The following PIH1D2 variants were observed in gnomAD, a reference collection of about 807,000 sequenced individuals.
The protein encoded by PIH1D2 is PIH1 domain-containing protein 2.
In PIH1D2, 25 loss-of-function variants were observed where a neutral mutation model predicts 31.2. The ratio of observed to expected loss-of-function variants is 0.80; its 90% CI spans 0.58 to 1.12. The LOEUF (loss-of-function observed/expected upper bound fraction) is 1.12. Among genes scored for constraint, PIH1D2 ranks in the 50% most tolerant of loss-of-function variants. The pLI is 0.00. For missense variants in PIH1D2, 310 were observed against 356.6 expected, an observed-to-expected ratio of 0.87 and a Z score of 1.05; for synonymous variants, 116 against 119.9, an observed-to-expected ratio of 0.97 and a Z score of 0.21.
chr11:112,068,980 T>G (rs952918832), intron 5 of PIH1D2, among the ~76,000 whole-genome samples: 1 of 129,918 alleles, frequency 7.7e-6, no homozygotes, highest in African/African-American at 4.5e-5. Flanking sequence ...TGAATTTTTT[T>G]TGTTTTTTTT....
At chr11:112,070,254 A>G in intron 5 of PIH1D2, 182 bp downstream of exon 5, 1 of 685,862 alleles carries the variant, frequency 1.5e-6, no homozygotes, top group Non-Finnish European at 2.4e-6. Flanking sequence ...GCATGGTTTG[A>G]TCATTCTATT....
chr11:112,060,721 C>G (rs1555183135), downstream of PIH1D2, among the ~76,000 whole-genome samples: 1 of 152,176 alleles, frequency 6.6e-6, no homozygotes. Flanking sequence ...CCGCCTCACC[C>G]TCTCGAAGTG....
At chr11:112,069,033 CTG>C (rs1246444441) in intron 5 of PIH1D2, among the ~76,000 whole-genome samples, 1 of 125,222 alleles carries the variant, frequency 8.0e-6, no homozygotes, top group Non-Finnish European at 1.6e-5. Context: ...GAGTCTCGCT[CTG>C]TTGCCCAGGC....
chr11:112,067,839 ACTG>A lies in PIH1D2; in HGVS notation c.*29_*31del. On this transcript the variant is annotated 3_prime_UTR_variant, in exon 6 of 6. Coordinates refer to ENST00000280350, the MANE Select transcript of PIH1D2 (RefSeq NM_138789.4). The stretch of plus-strand genomic sequence containing the variant: ...GTCCTTTAATTCACATGACTTTAGC[ACTG>A]AAAACCCAAAACATATGATGCTCTT... 2 of 1,610,026 alleles carry A rather than the reference ACTG, an allele frequency of 1.2e-6. No homozygotes were observed. Among genetic ancestry groups the A allele is most frequent in the Non-Finnish European group, 1.7e-6 (2 of 1,178,806 alleles).
At chr11:112,057,766 T>C in the PIH1D2 span, among the ~76,000 whole-genome samples, 1 of 150,790 alleles carries the variant, frequency 6.6e-6, no homozygotes, top group Non-Finnish European at 1.5e-5. Flanking sequence ...ATTCAGAAGA[T>C]ACAGCTAAGA....
downstream of PIH1D2, chr11:112,064,001 G>C: frequency 1.7e-6 from 1 of 594,046 alleles, no homozygotes; most frequent in East Asian, 3.0e-5. Context: ...GTACACAAGT[G>C]ACACTCCATA....
downstream of PIH1D2, chr11:112,061,341 A>G: frequency 1.5e-6 from 1 of 687,240 alleles, no homozygotes; most frequent in African/African-American, 1.8e-5. Context: ...TAACCTACAC[A>G]CATTATTCTG....
chr11:112,072,897 A>C (rs201438670), intron 2 of PIH1D2, 101 bp downstream of exon 2: 14 of 1,203,288 alleles, frequency 1.2e-5, no homozygotes, highest in East Asian at 7.7e-5. Flanking sequence ...AACAAAAAAA[A>C]AACAAAAAAA....
chr11:112,062,593 T>A, downstream of PIH1D2: 1 of 1,574,488 alleles, frequency 6.4e-7, no homozygotes, highest in Non-Finnish European at 8.7e-7. Flanking sequence ...TAACAAGATA[T>A]TTATATGTTA....
rs1164293992 is a variant in PIH1D2 at position 112,072,889 on chromosome 11, CAAAAA to C, written c.177+104_177+108del. 136 of 885,462 alleles carry C rather than the reference CAAAAA, an allele frequency of 1.5e-4. No homozygotes were observed. The African/African-American group carries it at 1.7e-3, about 11-fold the overall frequency. 54.9% of individuals were successfully genotyped at this position (885,462 alleles called of 1,614,324 possible). On this transcript the variant is annotated intron_variant, in intron 2 of 5. Coordinates refer to ENST00000280350, the MANE Select transcript of PIH1D2 (RefSeq NM_138789.4). ...AAAAACAAAACAAAACAAAACAAAA[CAAAAA>C]AAAAACAAAAAAAATTAGCAATACC...
Position 112,071,076 on chromosome 11 carries a change from TG to T in PIH1D2, c.508del (p.Gln170LysfsTer5). The T allele has an allele frequency of 1.9e-6, 3 of 1,613,384 alleles. No homozygotes were observed. Among genetic ancestry groups the T allele is most frequent in the South Asian group, 1.1e-5 (1 of 91,038 alleles). On this transcript the variant is annotated frameshift_variant, in exon 4 of 6. Transcript: ENST00000280350. LOFTEE classifies it high-confidence loss of function. ...TTCTCTTAAATCTATGGAATCAGTT[TG>T]GATTCCCATCAGATTTTGTTTCATT... ...QRMKQNLMGI[Q>X]TDSIDLREKM...
downstream of PIH1D2, among the ~76,000 whole-genome samples, chr11:112,066,711 G>C (rs781802482): frequency 9.9e-5 from 15 of 151,840 alleles, no homozygotes; most frequent in Non-Finnish European, 1.3e-4. Flanking sequence ...GTCTATATAT[G>C]ATACTAAAAT....
chr11:112,071,010 A>C, intron 4 of PIH1D2, 28 bp downstream of exon 4: 1 of 1,598,656 alleles, frequency 6.3e-7, no homozygotes, highest in Non-Finnish European at 8.5e-7. Flanking sequence ...AAAGCAGTTT[A>C]ATTTTCCATT....
chr11:112,060,852 G>T (rs1015255249), downstream of PIH1D2, among the ~76,000 whole-genome samples: 7 of 152,110 alleles, frequency 4.6e-5, no homozygotes, highest in Admixed American at 3.3e-4. Context: ...TTGAAAATAA[G>T]ACATTTTCCG....
At position 112,071,167 on chromosome 11, in the gene PIH1D2, ATTTC is replaced by A; in HGVS notation, c.414_417del (p.Glu138AspfsTer17). 2 of 1,613,734 alleles carry A rather than the reference ATTTC, an allele frequency of 1.2e-6. No homozygotes were observed. The highest frequency in any genetic ancestry group is 1.7e-6 in the Non-Finnish European group (2 of 1,179,838). On this transcript the variant is annotated frameshift_variant, in exon 4 of 6. Transcript: ENST00000280350. LOFTEE classifies it high-confidence loss of function. ...TAAGAGTGTGAGAGGGTGAACTGGA[ATTTC>A]TCCTCAATGCATTTCATGGCCATCT...
intron 5 of PIH1D2, 104 bp downstream of exon 5, chr11:112,070,332 A>AC: frequency 7.2e-7 from 1 of 1,381,170 alleles, no homozygotes; most frequent in Non-Finnish European, 9.9e-7. Flanking sequence ...TAACCTGAGC[A>AC]AATCATTGTA....
At chr11:112,055,091 G>T in the PIH1D2 span, among the ~76,000 whole-genome samples, 1 of 151,904 alleles carries the variant, frequency 6.6e-6, no homozygotes, top group Non-Finnish European at 1.5e-5. Context: ...TCTTTTGGAG[G>T]GCCACCATTC....
At chr11:112,055,847 ACT>A in the PIH1D2 span, among the ~76,000 whole-genome samples, 2 of 49,672 alleles carry the variant, frequency 4.0e-5, no homozygotes, top group African/African-American at 1.4e-4. Context: ...GCATATAGAC[ACT>A]TTTTTTTTTT....
the PIH1D2 span, among the ~76,000 whole-genome samples, chr11:112,055,848 CTTTTTTTTTTTTTTTTTTT>C: frequency 8.7e-3 from 277 of 31,976 alleles, 1 homozygote; most frequent in African/African-American, 0.023. Flanking sequence ...CATATAGACA[CTTTTTTTTTTTTTTTTTTT>C]TTTTTTTTTT....
Sources: gnomAD v4.1 joint callset for allele counts (sites outside exome capture counted in the v4.1 genomes callset) on GRCh38, gnomAD v4.1.1 for gene constraint, MANE v1.5 for transcripts, NCBI Gene and HGNC (gene_info 2026-07-23, HGNC 2026-07-21) for gene names.